KCNK12: variants seen among roughly 807,000 people sequenced by gnomAD.
KCNK12 encodes the protein potassium channel subfamily K member 12.
KCNK12 carries 6 observed loss-of-function variants against 25.3 expected under a neutral mutation model. The ratio of observed to expected loss-of-function variants is 0.24; its 90% CI spans 0.13 to 0.47. The LOEUF is 0.47. KCNK12 is among the 20% of genes least tolerant of loss of function. KCNK12 has a pLI of 0.99. For missense variants in KCNK12, 444 were observed against 661.7 expected (o/e 0.67, Z 3.61); for synonymous variants, 331 against 311.1 (o/e 1.06, Z -0.67).
chr2:47,568,678 C>A (rs914720649), intron 1 of KCNK12, among the ~76,000 whole-genome samples: 1 of 152,202 alleles, frequency 6.6e-6, no homozygotes, highest in African/African-American at 2.4e-5. Context: ...GCCTCTGTAT[C>A]TGAACTGGCA....
intron 1 of KCNK12, 72 bp from the exon 2 acceptor site, chr2:47,521,880 G>GT: frequency 8.8e-7 from 1 of 1,131,932 alleles, no homozygotes; most frequent in Non-Finnish European, 1.2e-6. Flanking sequence ...GGTGGGGGGT[G>GT]TGGGGGCGGG....
rs1171150185 is a variant in KCNK12, at chr2:47,566,171, T to A, written c.391+3770A>T. The stretch of plus-strand genomic sequence containing the variant: ...AATAATCACAGGCAAAATTTTCCAC[T>A]GGTACCGCACTGTGTAGACACACGT... On this transcript the variant is annotated intron_variant, in intron 1 of 1. Transcript: ENST00000327876. This position sits in a 1 kb window ranked among gnomAD's most constrained non-coding sequence, Gnocchi z 4.1. The A allele has an allele frequency of 6.6e-6, 1 of 152,212 alleles. No individual in the cohort carries two copies. Among genetic ancestry groups the A allele is most frequent in the Non-Finnish European group, 1.5e-5 (1 of 68,028 alleles). 9.4% of individuals were successfully genotyped at this position (152,212 alleles called of 1,614,324 possible).
At chr2:47,567,617 C>T (rs563099759) in intron 1 of KCNK12, among the ~76,000 whole-genome samples, 29 of 152,232 alleles carry the variant, frequency 1.9e-4, no homozygotes, top group Admixed American at 5.9e-4. Context: ...CAATAATCAG[C>T]AGAGACCCTG....
chr2:47,539,597 G>A (rs773050010), intron 1 of KCNK12, among the ~76,000 whole-genome samples: 28 of 152,154 alleles, frequency 1.8e-4, no homozygotes, highest in Non-Finnish European at 3.1e-4. Flanking sequence ...GAATGACGGG[G>A]CAAGGGGTCA....
In KCNK12 at chr2:47,516,194, C is replaced by G. The variant is rs1386557955; in HGVS notation, c.*4713G>C. ...GTGTTCTGTGTTTACAGGGTGTATT[C>G]AAGTCCATGACTGCCCATTAGAATC... On this transcript the variant is annotated 3_prime_UTR_variant, in exon 2 of 2. Coordinates refer to ENST00000327876, the MANE Select transcript of KCNK12 (RefSeq NM_022055.2). Among the ~76,000 whole-genome samples, 2 of 152,216 alleles carry G rather than the reference C, an allele frequency of 1.3e-5. No homozygotes were observed. The highest frequency in any genetic ancestry group is 4.8e-5 in the African/African-American group (2 of 41,446).
chr2:47,521,527 C>T lies in KCNK12; in HGVS notation c.673G>A (p.Val225Met). ...HVLLILGLFA[V>M]LLSCCASAMY... The stretch of plus-strand genomic sequence containing the variant: ...GCCGAGGCGCAGCAGGACAGCAGCA[C>T]GGCGAACAGGCCCAGGATGAGCAGC... Residue 225 changes from valine to methionine, a missense_variant, in exon 2 of 2, where the codon GTG becomes ATG. By Grantham distance (21) the Val-to-Met change is conservative. Coordinates refer to ENST00000327876, the MANE Select transcript of KCNK12 (RefSeq NM_022055.2). 6.4e-7 allele frequency: 1 copy of T among 1,573,604 alleles called. No individual in the cohort carries two copies. Among genetic ancestry groups the T allele is most frequent in the Non-Finnish European group, 8.6e-7 (1 of 1,159,764 alleles).
intron 1 of KCNK12, chr2:47,563,673 C>A (rs564918917): frequency 4.3e-6 from 1 of 233,204 alleles, no homozygotes; most frequent in Admixed American, 5.6e-5. Context: ...ACTCCAGCCC[C>A]CACCCCTAAT....
At position 47,570,492 on chromosome 2, in the gene KCNK12, G is replaced by T; in HGVS notation, c.-161C>A. On this transcript the variant is annotated 5_prime_UTR_variant, in exon 1 of 2. Coordinates refer to ENST00000327876, the MANE Select transcript of KCNK12 (RefSeq NM_022055.2). ...CCCCTCGTCGCCTTCCCAGAGCCCG[G>T]ACAGAGGGGCGCCTCCGCCTCCTCC... 1 of 698,862 alleles carries T rather than the reference G, an allele frequency of 1.4e-6. No homozygotes were observed. 43.3% of individuals were successfully genotyped at this position (698,862 alleles called of 1,614,324 possible). A position where few individuals can be genotyped will look rare whatever the true frequency, so the allele number is the denominator to read the frequency against.
chr2:47,554,804 G>A (rs1170836346), intron 1 of KCNK12, among the ~76,000 whole-genome samples: 1 of 152,212 alleles, frequency 6.6e-6, no homozygotes, highest in Non-Finnish European at 1.5e-5. Context: ...TAACTTAGTT[G>A]CCCCAGCAAG....
chr2:47,524,299 TA>T (rs1251693230), intron 1 of KCNK12, among the ~76,000 whole-genome samples: 1 of 152,224 alleles, frequency 6.6e-6, no homozygotes, highest in East Asian at 1.9e-4. Context: ...TAAAACGTTT[TA>T]GACCAGTAAC....
chr2:47,542,311 C>T (rs1215138896), intron 1 of KCNK12, among the ~76,000 whole-genome samples: 2 of 152,220 alleles, frequency 1.3e-5, no homozygotes, highest in Non-Finnish European at 2.9e-5. Context: ...CTCACAAGCA[C>T]CCTGGCACAT....
rs1669344188 is a variant in KCNK12 at position 47,547,791 on chromosome 2, T to A, written c.391+22150A>T. Among the ~76,000 whole-genome samples the A allele has an allele frequency of 6.6e-6, 1 of 151,934 alleles. No homozygotes were observed. ...TTTTATATTTTTAGTAGAGAGGGGG[T>A]TTCACCGTGTTGGCCAGGCTGGTCT... On this transcript the variant is annotated intron_variant, in intron 1 of 1. Transcript: ENST00000327876. The surrounding 1 kb of genome is among the most constrained non-coding windows in gnomAD (Gnocchi z 5.0).
intron 1 of KCNK12, among the ~76,000 whole-genome samples, chr2:47,542,969 G>A (rs1447310133): frequency 1.3e-5 from 2 of 151,978 alleles, no homozygotes; most frequent in Non-Finnish European, 1.5e-5. Context: ...GCCAAGCCTG[G>A]AGTGCAGTGG....
At chr2:47,567,879 G>T (rs556425953) in intron 1 of KCNK12, among the ~76,000 whole-genome samples, 20 of 152,300 alleles carry the variant, frequency 1.3e-4, no homozygotes, top group Admixed American at 9.8e-4. Flanking sequence ...AAAGGCTGGG[G>T]CATGGAACAA....
chr2:47,570,381 C>T lies in KCNK12; in HGVS notation c.-50G>A. The stretch of plus-strand genomic sequence containing the variant: ...GGGGCGGCGCTCGGGGCCCGGGCCA[C>T]GACATCCCCCCGGCGGGAGCAGGAG... On this transcript the variant is annotated 5_prime_UTR_variant, in exon 1 of 2. In the 5' UTR this introduces an upstream ATG that the reference lacks. Transcript: ENST00000327876. The T allele has an allele frequency of 8.2e-7, 1 of 1,213,334 alleles. No homozygotes were observed. Among genetic ancestry groups the T allele is most frequent in the Non-Finnish European group, 1.0e-6 (1 of 977,366 alleles). 75.2% of individuals were successfully genotyped at this position (1,213,334 alleles called of 1,614,324 possible). A position where few individuals can be genotyped will look rare whatever the true frequency, so the allele number is the denominator to read the frequency against.
rs1261573247 is a variant in KCNK12 at position 47,547,568 on chromosome 2, C to A, written c.391+22373G>T. On this transcript the variant is annotated intron_variant, in intron 1 of 1. Coordinates refer to ENST00000327876, the MANE Select transcript of KCNK12 (RefSeq NM_022055.2). This position sits in a 1 kb window ranked among gnomAD's most constrained non-coding sequence, Gnocchi z 5.0. The stretch of plus-strand genomic sequence containing the variant: ...ATCCTCCCACCTCAGCTTCCAGAGC[C>A]CCCTAGCTGACATTGGCAGGGCTTT... Among the ~76,000 whole-genome samples, 1 of 151,944 alleles carries A rather than the reference C, an allele frequency of 6.6e-6. No individual in the cohort carries two copies. The highest frequency in any genetic ancestry group is 2.4e-5 in the African/African-American group (1 of 41,352).
At chr2:47,552,844 A>AT (rs923796884) in intron 1 of KCNK12, among the ~76,000 whole-genome samples, 13 of 152,180 alleles carry the variant, frequency 8.5e-5, no homozygotes, top group African/African-American at 2.9e-4. Flanking sequence ...CTGTGTGGGC[A>AT]TGATGTCAAG....
rs1668444076 is a variant in KCNK12, at chr2:47,513,161, T to TCAA, written c.*7745_*7746insTTG. ...ACGGAAGCCAGTATTATTTTGAACC[T>TCAA]CTGTTAGAGTGGCTTGAATCTGTAT... On this transcript the variant is annotated 3_prime_UTR_variant, in exon 2 of 2. Transcript: ENST00000327876. 6.6e-6 allele frequency: 1 copy of TCAA among 152,228 alleles called. No homozygotes were observed. Among genetic ancestry groups the TCAA allele is most frequent in the Non-Finnish European group, 1.5e-5 (1 of 68,050 alleles). The allele number at this position is 152,228 out of a possible 1,614,324, so 9.4% of individuals were successfully genotyped here.
intron 1 of KCNK12, among the ~76,000 whole-genome samples, chr2:47,531,202 G>A (rs556892758): frequency 7.9e-5 from 12 of 152,212 alleles, no homozygotes; most frequent in African/African-American, 1.2e-4. Context: ...GCCGGGCACG[G>A]TGGCTCACAC....
Sources: gnomAD v4.1 joint callset for allele counts (sites outside exome capture counted in the v4.1 genomes callset) on GRCh38, gnomAD v4.1.1 for gene constraint, Gnocchi (gnomAD v3.1) non-coding constraint, MANE v1.5 for transcripts, NCBI Gene and HGNC (gene_info 2026-07-23, HGNC 2026-07-21) for gene names.